Variants in PIK3C2B observed in about 807,000 individuals in gnomAD.
The protein encoded by PIK3C2B is phosphatidylinositol 4-phosphate 3-kinase C2 domain-containing subunit beta.
PIK3C2B carries 83 observed loss-of-function variants against 184.3 expected under a neutral mutation model. The ratio of observed to expected loss-of-function variants is 0.45; its 90% CI spans 0.38 to 0.54. The LOEUF (loss-of-function observed/expected upper bound fraction) is 0.54, where lower values mean the gene tolerates loss of function less well. PIK3C2B is among the 20% of genes least tolerant of loss of function. The pLI, the probability that PIK3C2B is intolerant of heterozygous loss-of-function variation, is 0.00. For missense variants in PIK3C2B, 1,736 were observed against 2,113.5 expected (o/e 0.82, Z 3.50); for synonymous variants, 779 against 837.6 (o/e 0.93, Z 1.21).
chr1:204,469,069 T>G lies in PIK3C2B; in HGVS notation c.734A>C (p.Asp245Ala). ...ITRLNLKSTY[D>A]AEMLRDATRG... ...GGTGGCATCCCGCAACATCTCCGCA[T>G]CATAGGTCGATTTCAAGTTGAGCCT... The change falls in exon 2 of 33, where the codon GAT (aspartate) becomes GCT (alanine). Residue 245 changes from aspartate to alanine, a missense_variant. By Grantham distance (126) the Asp-to-Ala change is moderately radical. Around this residue, in one of 8 missense-constraint regions of PIK3C2B, gnomAD observed 404 missense variants for 418.0 expected, o/e 0.97. Transcript: ENST00000684373. 1 of 1,614,188 alleles carries G rather than the reference T, an allele frequency of 6.2e-7. No homozygotes were observed. Among genetic ancestry groups the G allele is most frequent in the African/African-American group, 1.3e-5 (1 of 75,036 alleles).
intron 27 of PIK3C2B, 109 bp from the exon 28 acceptor site, chr1:204,431,902 CAGAAGGAAGAGAG>C: frequency 8.0e-7 from 1 of 1,250,282 alleles, no homozygotes; most frequent in Non-Finnish European, 1.2e-6. Context: ...GGGCACATTC[CAGAAGGAAGAGAG>C]CAAGAGTGGA....
At position 204,454,097 on chromosome 1, in the gene PIK3C2B, T is replaced by C. The variant is rs1173950113; in HGVS notation, c.2066+572A>G. Among the ~76,000 whole-genome samples, 5 of 152,026 alleles carry C rather than the reference T, an allele frequency of 3.3e-5. No individual in the cohort carries two copies. The South Asian group carries it at 1.0e-3, about 32-fold the overall frequency. On this transcript the variant is annotated intron_variant, in intron 12 of 32. Transcript: ENST00000684373. Reference sequence around the variant, plus strand: ...GTCAACAACTAAAATTTATATGTTTTTTATGGTTTACAAAGAGCCTTTATA... The same window carrying C: ...GTCAACAACTAAAATTTATATGTTTCTTATGGTTTACAAAGAGCCTTTATA...
chr1:204,465,186 C>CCCCCCAAA, intron 3 of PIK3C2B, 33 bp downstream of exon 3: 1 of 1,082,018 alleles, frequency 9.2e-7, no homozygotes. Context: ...CCCCATAGCC[C>CCCCCCAAA]TCCCAAATCC....
intron 1 of PIK3C2B, among the ~76,000 whole-genome samples, chr1:204,473,436 T>A (rs532634592): frequency 6.6e-6 from 1 of 152,254 alleles, no homozygotes; most frequent in South Asian, 2.1e-4. Context: ...TATTTGAAAT[T>A]CAAAGGAGTA....
chr1:204,427,114 G>A (rs1674786509), intron 31 of PIK3C2B, among the ~76,000 whole-genome samples: 1 of 151,614 alleles, frequency 6.6e-6, no homozygotes, highest in South Asian at 2.1e-4. Context: ...TCCAGCCTGG[G>A]TGACAGAGCA....
chr1:204,470,416 C>T (rs1255687350), intron 1 of PIK3C2B, among the ~76,000 whole-genome samples: 1 of 152,204 alleles, frequency 6.6e-6, no homozygotes, highest in Non-Finnish European at 1.5e-5. Flanking sequence ...GATCCACCCG[C>T]CTAGGCCTCC....
intron 1 of PIK3C2B, among the ~76,000 whole-genome samples, chr1:204,473,030 T>C (rs1397735129): frequency 6.6e-6 from 1 of 152,220 alleles, no homozygotes; most frequent in African/African-American, 2.4e-5. Context: ...AAAATGTTCA[T>C]TCTATTGTAC....
intron 21 of PIK3C2B, 95 bp from the exon 22 acceptor site, chr1:204,440,416 G>A: frequency 7.6e-7 from 1 of 1,314,182 alleles, no homozygotes; most frequent in Non-Finnish European, 1.0e-6. Context: ...AACTAACAGT[G>A]ACAGGGAGTT....
At chr1:204,489,332 T>C (rs1657850135) in intron 1 of PIK3C2B, among the ~76,000 whole-genome samples, 1 of 152,064 alleles carries the variant, frequency 6.6e-6, no homozygotes, top group South Asian at 2.1e-4. Flanking sequence ...CACACCCTAA[T>C]TGTTTTTATT....
chr1:204,448,859 C>T (rs1313407295), intron 14 of PIK3C2B, among the ~76,000 whole-genome samples: 1 of 152,112 alleles, frequency 6.6e-6, no homozygotes, highest in Non-Finnish European at 1.5e-5. Context: ...CAAGAGGACC[C>T]AGGTCAGGTT....
intron 6 of PIK3C2B, 64 bp downstream of exon 6, chr1:204,460,486 T>C: frequency 6.5e-7 from 1 of 1,546,184 alleles, no homozygotes; most frequent in Non-Finnish European, 8.9e-7. Context: ...CCTGATGTGT[T>C]CTATATTGTA....
At position 204,469,167 on chromosome 1, in the gene PIK3C2B, C is replaced by T; in HGVS notation, c.636G>A (p.Glu212=). The T allele has an allele frequency of 6.2e-7, 1 of 1,614,106 alleles. No individual in the cohort carries two copies. Among genetic ancestry groups the T allele is most frequent in the Non-Finnish European group, 8.5e-7 (1 of 1,179,980 alleles). The change falls in exon 2 of 33, where the codon GAG becomes GAA. Residue 212 remains glutamate (E), a synonymous_variant. Coordinates refer to ENST00000684373, the MANE Select transcript of PIK3C2B (RefSeq NM_001377334.1). The part of the protein sequence containing the change: ...LLEHRILEEE[E]VLGGGGQGRL... ...GCCCCTGACCCCCACCTCCCAGCAC[C>T]TCTTCCTCTTCTAGGATCCGATGCT...
chr1:204,456,924 A>ACACACACACACACACACACACACC (rs377111253), intron 10 of PIK3C2B, 113 bp downstream of exon 10: 1 of 521,438 alleles, frequency 1.9e-6, no homozygotes, highest in African/African-American at 2.0e-5. Flanking sequence ...ACACACACAC[A>ACACACACACACACACACACACACC]CCAGCCGAAC....
intron 32 of PIK3C2B, 84 bp downstream of exon 32, chr1:204,425,529 A>G (rs575852663): frequency 1.3e-5 from 19 of 1,429,408 alleles, no homozygotes; most frequent in Non-Finnish European, 1.8e-5. Flanking sequence ...ACAACATCTT[A>G]ATACGTTCTT....
chr1:204,474,500 T>C (rs956307081), intron 1 of PIK3C2B, among the ~76,000 whole-genome samples: 5 of 152,226 alleles, frequency 3.3e-5, no homozygotes, highest in Admixed American at 3.3e-4. Flanking sequence ...TGCCTGGACA[T>C]TGCTGCTGTA....
chr1:204,446,539 G>A (rs2103485778), intron 15 of PIK3C2B, among the ~76,000 whole-genome samples: 1 of 152,310 alleles, frequency 6.6e-6, no homozygotes, highest in East Asian at 1.9e-4. Flanking sequence ...TGCCCTGAGG[G>A]CACCACGCTC....
rs1243600387 is a variant in PIK3C2B at position 204,443,537 on chromosome 1, T to G, written c.2928A>C (p.Ala976=). Residue 976 remains alanine, a synonymous_variant, in exon 19 of 33, where the codon GCA becomes GCC. Coordinates refer to ENST00000684373, the MANE Select transcript of PIK3C2B (RefSeq NM_001377334.1). The part of the protein sequence containing the change: ...QFSIRYQYLL[A]ALLCCCGKGL... ...CCTTGCCACAGCAGCACAGTAAGGC[T>G]GCCAGCAGATACTGGTAGCGGATGC... is the stretch of plus-strand genomic sequence containing the variant. The G allele has an allele frequency of 3.7e-6, 6 of 1,614,110 alleles. No individual in the cohort carries two copies. Among genetic ancestry groups the G allele is most frequent in the Non-Finnish European group, 5.1e-6 (6 of 1,180,040 alleles).
At chr1:204,477,724 G>A (rs1243840605) in intron 1 of PIK3C2B, among the ~76,000 whole-genome samples, 1 of 152,186 alleles carries the variant, frequency 6.6e-6, no homozygotes, top group East Asian at 1.9e-4. Flanking sequence ...TTGGGACTGG[G>A]AGAATCTAGA....
chr1:204,468,787 T>A (rs950399976), intron 2 of PIK3C2B, 83 bp downstream of exon 2: 1 of 1,242,742 alleles, frequency 8.0e-7, no homozygotes. Context: ...TTGGCAGAGT[T>A]GGATGTAGAA....
Sources: allele counts gnomAD v4.1 joint callset (sites outside exome capture counted in the v4.1 genomes callset), GRCh38; gene constraint gnomAD v4.1.1; regional missense constraint gnomAD v4.1.1; transcripts MANE v1.5; gene names NCBI Gene and HGNC (gene_info 2026-07-23, HGNC 2026-07-21).